PDE11A: variants seen among roughly 807,000 people sequenced by gnomAD.
PDE11A encodes dual 3',5'-cyclic-AMP and -GMP phosphodiesterase 11A.
A neutral mutation model predicts 100.5 loss-of-function variants in PDE11A; 100 were observed. That is an observed-to-expected ratio of 1.00 (90% CI 0.85 to 1.18). The LOEUF (loss-of-function observed/expected upper bound fraction) is 1.18. Ranked by LOEUF, PDE11A falls within the 50% of genes most tolerant of loss-of-function variation. The pLI, the probability that PDE11A is intolerant of heterozygous loss-of-function variation, is 0.00. For synonymous variants in PDE11A, 381 were observed against 420.8 expected, an observed-to-expected ratio of 0.91 and a Z score of 1.16; for missense variants, 1,141 against 1,152.6, an observed-to-expected ratio of 0.99 and a Z score of 0.15.
intron 2 of PDE11A, among the ~76,000 whole-genome samples, chr2:177,937,682 T>A (rs1014570173): frequency 1.3e-5 from 2 of 152,172 alleles, no homozygotes; most frequent in African/African-American, 2.4e-5. Context: ...TAAATTTACT[T>A]TCTCTCTTTT....
chr2:177,844,329 C>A (rs1287541444), intron 5 of PDE11A, among the ~76,000 whole-genome samples: 1 of 151,996 alleles, frequency 6.6e-6, no homozygotes, highest in East Asian at 1.9e-4. Flanking sequence ...TCTGGGGCCT[C>A]TTTTATAAAG....
intron 6 of PDE11A, among the ~76,000 whole-genome samples, chr2:177,830,405 G>T (rs138101591): frequency 0.025 from 3,834 of 152,082 alleles, 148 homozygotes; most frequent in African/African-American, 0.088. Flanking sequence ...TTCAAGACCA[G>T]CCTGGCCAAC....
intron 12 of PDE11A, 25 bp from the exon 13 acceptor site, chr2:177,711,903 C>T: frequency 8.3e-7 from 1 of 1,210,842 alleles, no homozygotes; most frequent in Non-Finnish European, 1.2e-6. Context: ...AAAATGGCAA[C>T]AGTCACTACT....
intron 9 of PDE11A, among the ~76,000 whole-genome samples, chr2:177,814,995 T>A (rs1167287043): frequency 6.6e-6 from 1 of 152,198 alleles, no homozygotes; most frequent in Non-Finnish European, 1.5e-5. Flanking sequence ...TGGGCATATG[T>A]AAGATGTTCT....
intron 2 of PDE11A, among the ~76,000 whole-genome samples, chr2:177,925,747 A>G (rs2085116777): frequency 6.6e-6 from 1 of 152,262 alleles, no homozygotes; most frequent in Admixed American, 6.5e-5. Context: ...CAACTTTTAC[A>G]TTATGCAGTC....
At position 177,773,177 on chromosome 2, in the gene PDE11A, C is replaced by A. The variant is rs75728552; in HGVS notation, c.1738-3804G>T. ...CTGGGATTACAGGAACACACCACCA[C>A]GCCCAGGTAATTTTTTTATAGAAAC... is the stretch of plus-strand genomic sequence containing the variant. On this transcript the variant is annotated intron_variant, in intron 9 of 19. Coordinates refer to ENST00000286063, the MANE Select transcript of PDE11A (RefSeq NM_016953.4). 1.1e-4 allele frequency among the ~76,000 whole-genome samples: 17 copies of A among 152,146 alleles called. No individual in the cohort carries two copies. The East Asian group carries it at 2.9e-3, about 26-fold the overall frequency.
intron 5 of PDE11A, among the ~76,000 whole-genome samples, chr2:177,871,592 A>T (rs1207209493): frequency 6.6e-6 from 1 of 150,560 alleles, no homozygotes; most frequent in East Asian, 1.9e-4. Flanking sequence ...TAGGCTTGGC[A>T]TGGTGGTTCA....
intron 9 of PDE11A, among the ~76,000 whole-genome samples, chr2:177,810,659 C>T (rs1014529910): frequency 1.6e-5 from 2 of 121,418 alleles, no homozygotes; most frequent in African/African-American, 4.3e-5. Flanking sequence ...AAATGAGAGC[C>T]AGGGGTAGGA....
chr2:177,754,427 C>T (rs186883917), intron 10 of PDE11A, among the ~76,000 whole-genome samples: 1 of 152,360 alleles, frequency 6.6e-6, no homozygotes, highest in Admixed American at 6.5e-5. Context: ...GTCTGATGAG[C>T]AGTTCTTCCT....
chr2:177,930,255 T>C (rs1385257632), intron 2 of PDE11A, among the ~76,000 whole-genome samples: 1 of 152,214 alleles, frequency 6.6e-6, no homozygotes, highest in Non-Finnish European at 1.5e-5. Flanking sequence ...TTAAACAAGT[T>C]CCTTCAGTGC....
At chr2:177,964,945 A>C (rs1433583723) in intron 2 of PDE11A, among the ~76,000 whole-genome samples, 1 of 152,232 alleles carries the variant, frequency 6.6e-6, no homozygotes, top group African/African-American at 2.4e-5. Flanking sequence ...AGAAACCTCC[A>C]AACTGCTTTC....
At chr2:178,097,374 A>T (rs1045048610) in intron 2 of PDE11A, among the ~76,000 whole-genome samples, 1 of 152,214 alleles carries the variant, frequency 6.6e-6, no homozygotes, top group Admixed American at 6.5e-5. Context: ...TCATGGAGAA[A>T]GATGAAGGGG....
chr2:177,701,260 C>A (rs769640622), intron 13 of PDE11A, 49 bp from the exon 14 acceptor site: 2 of 903,836 alleles, frequency 2.2e-6, no homozygotes, highest in Non-Finnish European at 3.7e-6. Flanking sequence ...ATGGTTCCCC[C>A]ACACCAGCTT....
chr2:177,812,826 T>A lies in PDE11A; in HGVS notation c.1737+4003A>T, dbSNP rs2365897. Among the ~76,000 whole-genome samples, 13 of 152,126 alleles carry A rather than the reference T, an allele frequency of 8.5e-5. No individual in the cohort carries two copies. In the South Asian group the frequency reaches 1.4e-3, roughly 17 times the overall value. On this transcript the variant is annotated intron_variant, in intron 9 of 19. Transcript: ENST00000286063. ...CGGGTAAAGAGGGAAAAAGGAGAAA[T>A]TCCTAAGAGATACACAGGTGCAATA...
chr2:177,671,474 T>C (rs907002800), intron 17 of PDE11A, among the ~76,000 whole-genome samples: 2 of 152,018 alleles, frequency 1.3e-5, no homozygotes, highest in Non-Finnish European at 2.9e-5. Context: ...GAAAACATTC[T>C]GAAAGGGAAT....
rs190983776 is a variant in PDE11A, at chr2:177,792,065, A to T, written c.1738-22692T>A. Among the ~76,000 whole-genome samples, 330 of 152,318 alleles carry T rather than the reference A, an allele frequency of 2.2e-3. 1 individual carries two copies. Among genetic ancestry groups the T allele is most frequent in the African/African-American group, 7.6e-3 (315 of 41,588 alleles). Reference sequence around the variant, plus strand: ...ATTAAATATGGCTCTATACATATGCATATTGGACTATAATTTATAACTATT... The same window carrying T: ...ATTAAATATGGCTCTATACATATGCTTATTGGACTATAATTTATAACTATT... On this transcript the variant is annotated intron_variant, in intron 9 of 19. Coordinates refer to ENST00000286063, the MANE Select transcript of PDE11A (RefSeq NM_016953.4).
chr2:178,014,341 C>G lies in PDE11A; in HGVS notation c.1032G>C (p.Lys344Asn), dbSNP rs1259890730. The stretch of plus-strand genomic sequence containing the variant: ...CAGTAAATGGAGCTCCTTCAGGAAT[C>G]TTATTTATCGCTTGGGCCACACCAA... ...EIIGVAQAIN[K>N]IPEGAPFTED... The change falls in exon 2 of 20, where the codon AAG becomes AAC. Residue 344 changes from lysine to asparagine, a missense_variant. By Grantham distance (94) the Lys-to-Asn change is moderately conservative. Transcript: ENST00000286063. 6.2e-7 allele frequency: 1 copy of G among 1,613,298 alleles called. No individual in the cohort carries two copies. Among genetic ancestry groups the G allele is most frequent in the East Asian group, 2.2e-5 (1 of 44,842 alleles).
At position 177,831,066 on chromosome 2, in the gene PDE11A, T is replaced by C. The variant is rs184602021; in HGVS notation, c.1500+9185A>G. Among the ~76,000 whole-genome samples the C allele has an allele frequency of 2.6e-5, 4 of 152,316 alleles. No individual in the cohort carries two copies. In the East Asian group the frequency reaches 5.8e-4, roughly 22 times the overall value. On this transcript the variant is annotated intron_variant, in intron 6 of 19. Transcript: ENST00000286063. ...CTATCAAGCCCAGCAGGTGCCACTT[T>C]TGAGAGCCAACTCAAACAGGCATTC... is the stretch of plus-strand genomic sequence containing the variant.
At chr2:177,824,759 AACAGAAT>A (rs1558957347) in intron 6 of PDE11A, among the ~76,000 whole-genome samples, 3 of 152,208 alleles carry the variant, frequency 2.0e-5, no homozygotes, top group African/African-American at 7.2e-5. Flanking sequence ...ACATTCACAT[AACAGAAT>A]ATTATGCATC....
Sources: gnomAD v4.1 joint callset for allele counts (sites outside exome capture counted in the v4.1 genomes callset) on GRCh38, gnomAD v4.1.1 for gene constraint, MANE v1.5 for transcripts, NCBI Gene and HGNC (gene_info 2026-07-23, HGNC 2026-07-21) for gene names.